The following P4HA2 variants were observed in gnomAD, a reference collection of about 807,000 sequenced individuals.
P4HA2 encodes the protein prolyl 4-hydroxylase subunit alpha-2.
In P4HA2, 46 loss-of-function variants were observed where a neutral mutation model predicts 76.9. The ratio of observed to expected loss-of-function variants is 0.60; its 90% confidence interval spans 0.47 to 0.76. P4HA2 has a LOEUF of 0.76. Among genes scored for constraint, P4HA2 ranks in the 30% least tolerant of loss-of-function variants. The pLI is 0.00. For synonymous variants in P4HA2, 243 were observed against 254.0 expected, an observed-to-expected ratio of 0.96 and a Z score of 0.41; for missense variants, 583 against 669.4, an observed-to-expected ratio of 0.87 and a Z score of 1.42.
intron 7 of P4HA2, 65 bp downstream of exon 7, chr5:132,209,073 C>G: frequency 5.7e-6 from 7 of 1,230,914 alleles, no homozygotes; most frequent in Non-Finnish European, 8.1e-6. Context: ...TTCCCCAAAT[C>G]TGCCTGCCCA....
intron 10 of P4HA2, 32 bp from the exon 11 acceptor site, chr5:132,198,964 G>T: frequency 2.7e-6 from 4 of 1,509,230 alleles, no homozygotes; most frequent in Non-Finnish European, 3.7e-6. Context: ...GACCTTGTAA[G>T]CAGCATGAAC....
In P4HA2 at chr5:132,191,295, G is replaced by A. The variant is rs1408873935; in HGVS notation, c.*1715C>T. 4.6e-5 allele frequency among the ~76,000 whole-genome samples: 7 copies of A among 151,974 alleles called. No homozygotes were observed. Among genetic ancestry groups the A allele is most frequent in the Admixed American group, 1.3e-4 (2 of 15,270 alleles). ...TGGGAGGCCGAGGCGGGCGGATCAC[G>A]AGGTCAGGAGATCGAGACCATCCCG... On this transcript the variant is annotated 3_prime_UTR_variant, in exon 15 of 15. Coordinates refer to ENST00000360568, the MANE Select transcript of P4HA2 (RefSeq NM_001017974.2).
intron 4 of P4HA2, 117 bp from the exon 5 acceptor site, chr5:132,214,170 C>A: frequency 2.0e-6 from 2 of 981,132 alleles, no homozygotes; most frequent in Non-Finnish European, 1.5e-6. Flanking sequence ...CCCGCCCCCT[C>A]CCTCAAAGGC....
intron 11 of P4HA2, 32 bp from the exon 12 acceptor site, chr5:132,198,412 A>G (rs1207803052): frequency 6.2e-7 from 1 of 1,607,260 alleles, no homozygotes; most frequent in South Asian, 1.1e-5. Flanking sequence ...ACCCAAGTTT[A>G]CAACAGGCTT....
intron 1 of P4HA2, chr5:132,226,630 C>T (rs1254514240): frequency 6.6e-6 from 1 of 152,278 alleles, no homozygotes; most frequent in African/African-American, 2.4e-5. Flanking sequence ...CCACCATGCC[C>T]GGATAGTTTT....
At chr5:132,194,236 C>G (rs896049038) in intron 14 of P4HA2, among the ~76,000 whole-genome samples, 1 of 152,174 alleles carries the variant, frequency 6.6e-6, no homozygotes, top group Admixed American at 6.5e-5. Flanking sequence ...CATTTCCTTT[C>G]TTGTACAACT....
chr5:132,198,979 C>A (rs1288620348), intron 10 of P4HA2, 47 bp from the exon 11 acceptor site: 3 of 1,278,582 alleles, frequency 2.3e-6, no homozygotes, highest in East Asian at 4.6e-5. Flanking sequence ...ATGAACAGCT[C>A]TGTAGCAGCC....
Position 132,208,903 on chromosome 5 carries a change from G to A in P4HA2, c.903+235C>T, listed in dbSNP as rs76464595. Among the ~76,000 whole-genome samples, 372 of 152,104 alleles carry A rather than the reference G, an allele frequency of 2.4e-3. 12 individuals are homozygous for A. In the East Asian group the frequency reaches 0.062, roughly 26 times the overall value. ...GTGGGACATATTGGGGTAAGGAGGC[G>A]AGCTCACTGGTAACTTAGAGGAGCA... On this transcript the variant is annotated intron_variant, in intron 7 of 14. Coordinates refer to ENST00000360568, the MANE Select transcript of P4HA2 (RefSeq NM_001017974.2).
In P4HA2 at chr5:132,220,082, C is replaced by A. The variant is rs199535519; in HGVS notation, c.-18-1438G>T. Among the ~76,000 whole-genome samples, 13 of 152,350 alleles carry A rather than the reference C, an allele frequency of 8.5e-5. No individual in the cohort carries two copies. In the East Asian group the frequency reaches 2.5e-3, roughly 29 times the overall value. On this transcript the variant is annotated intron_variant, in intron 1 of 14. Coordinates refer to ENST00000360568, the MANE Select transcript of P4HA2 (RefSeq NM_001017974.2). ...CTGCTGCAGGGTAGGGCGTATTGTGCTAAGGGGTCCATTAGGGAGTTAGAG... is the reference window on the plus strand; with the variant it reads ...CTGCTGCAGGGTAGGGCGTATTGTGATAAGGGGTCCATTAGGGAGTTAGAG...
intron 8 of P4HA2, among the ~76,000 whole-genome samples, chr5:132,206,526 A>T (rs1752237720): frequency 6.6e-6 from 1 of 152,210 alleles, no homozygotes; most frequent in Non-Finnish European, 1.5e-5. Context: ...AGAGCAATAG[A>T]GAATCGAGCT....
intron 1 of P4HA2, among the ~76,000 whole-genome samples, chr5:132,223,294 G>A (rs188445159): frequency 3.3e-5 from 5 of 152,200 alleles, no homozygotes; most frequent in East Asian, 3.9e-4. Flanking sequence ...AGACAGTCTC[G>A]CTCTGTCGCC....
chr5:132,208,968 C>G (rs1752638890), intron 7 of P4HA2, among the ~76,000 whole-genome samples, 170 bp downstream of exon 7: 1 of 152,118 alleles, frequency 6.6e-6, no homozygotes, highest in Non-Finnish European at 1.5e-5. Context: ...GTCTCCTTTC[C>G]TACACCTCAG....
At chr5:132,200,412 C>A in intron 10 of P4HA2, 1 of 162,132 alleles carries the variant, frequency 6.2e-6, no homozygotes, top group South Asian at 2.0e-4. Context: ...GAAATCCTGT[C>A]AACAGCACAA....
chr5:132,200,454 TGGA>T (rs1236181889), intron 10 of P4HA2: 1 of 161,864 alleles, frequency 6.2e-6, no homozygotes, highest in African/African-American at 2.4e-5. Flanking sequence ...GCCCTAAGGC[TGGA>T]GATGCATCTA....
chr5:132,218,374 A>T (rs1403761146), intron 2 of P4HA2, among the ~76,000 whole-genome samples, 171 bp downstream of exon 2: 2 of 152,210 alleles, frequency 1.3e-5, no homozygotes, highest in Non-Finnish European at 2.9e-5. Context: ...CATCCAGATC[A>T]TTGGGATCTT....
At chr5:132,198,851 T>C in intron 11 of P4HA2, 28 bp downstream of exon 11, 1 of 1,559,460 alleles carries the variant, frequency 6.4e-7, no homozygotes. Flanking sequence ...GCAGGGCCCT[T>C]TGAAAGCACC....
chr5:132,208,792 T>G (rs1752610188), intron 7 of P4HA2, among the ~76,000 whole-genome samples: 1 of 151,952 alleles, frequency 6.6e-6, no homozygotes, highest in South Asian at 2.1e-4. Context: ...CCACAGAGAC[T>G]TACTCTCCAC....
chr5:132,224,823 C>A (rs1755133206), intron 1 of P4HA2, among the ~76,000 whole-genome samples: 1 of 152,108 alleles, frequency 6.6e-6, no homozygotes, highest in Non-Finnish European at 1.5e-5. Flanking sequence ...TACACCCTGG[C>A]CCTCAGAGTG....
intron 8 of P4HA2, 41 bp downstream of exon 8, chr5:132,207,667 C>A (rs988338985): frequency 3.2e-6 from 5 of 1,567,496 alleles, no homozygotes; most frequent in Admixed American, 3.4e-5. Context: ...AAAGGACCTT[C>A]CCCCTTCAGT....
Sources: gnomAD v4.1 joint callset for allele counts (sites outside exome capture counted in the v4.1 genomes callset) on GRCh38, gnomAD v4.1.1 for gene constraint, MANE v1.5 for transcripts, NCBI Gene and HGNC (gene_info 2026-07-23, HGNC 2026-07-21) for gene names.